NCKAP5: variants seen among roughly 807,000 people sequenced by gnomAD.
The protein encoded by NCKAP5 is nck-associated protein 5.
In NCKAP5, 92 loss-of-function variants were observed where a neutral mutation model predicts 167.0. The ratio of observed to expected loss-of-function variants is 0.55; its 90% CI spans 0.47 to 0.66. The LOEUF is 0.66. Among genes scored for constraint, NCKAP5 ranks in the 30% least tolerant of loss-of-function variants. The pLI, the probability that NCKAP5 is intolerant of heterozygous loss-of-function variation, is 0.00. For synonymous variants in NCKAP5, 891 were observed against 877.4 expected (o/e 1.02, Z -0.27); for missense variants, 2,378 against 2,315.0 (o/e 1.03, Z -0.56).
chr2:132,861,822 T>G (rs1007762888), intron 10 of NCKAP5, among the ~76,000 whole-genome samples: 1 of 152,214 alleles, frequency 6.6e-6, no homozygotes, highest in African/African-American at 2.4e-5. Context: ...TCTAGACTTG[T>G]CAATTACACG....
chr2:133,121,325 G>T (rs1044545706), intron 6 of NCKAP5, among the ~76,000 whole-genome samples: 1 of 152,100 alleles, frequency 6.6e-6, no homozygotes, highest in East Asian at 1.9e-4. Flanking sequence ...AGACTAAACT[G>T]AAGGGTCTGG....
intron 3 of NCKAP5, among the ~76,000 whole-genome samples, 158 bp from the exon 4 acceptor site, chr2:133,303,268 A>C (rs1275151822): frequency 6.6e-6 from 1 of 152,176 alleles, no homozygotes; most frequent in South Asian, 2.1e-4. Context: ...AATCATATGT[A>C]AATACTATTT....
At chr2:133,158,770 A>G (rs2083673339) in intron 5 of NCKAP5, among the ~76,000 whole-genome samples, 1 of 152,134 alleles carries the variant, frequency 6.6e-6, no homozygotes, top group African/African-American at 2.4e-5. Context: ...CTGGTTCAAT[A>G]ACACAATATC....
chr2:133,586,945 G>A, the NCKAP5 span, among the ~76,000 whole-genome samples: 6 of 152,096 alleles, frequency 3.9e-5, no homozygotes, highest in Non-Finnish European at 7.3e-5. Flanking sequence ...AATAAAAGAG[G>A]TCTGCAGCCA....
At chr2:133,188,852 C>T (rs1363576796) in intron 5 of NCKAP5, among the ~76,000 whole-genome samples, 1 of 152,040 alleles carries the variant, frequency 6.6e-6, no homozygotes, top group African/African-American at 2.4e-5. Context: ...AAAATTGACA[C>T]CCTAACATCA....
intron 3 of NCKAP5, among the ~76,000 whole-genome samples, chr2:133,452,129 T>C (rs964930195): frequency 1.3e-5 from 2 of 152,166 alleles, no homozygotes; most frequent in Admixed American, 6.5e-5. Flanking sequence ...TAGAAAACAA[T>C]CAACTGGCCA....
intron 15 of NCKAP5, among the ~76,000 whole-genome samples, 193 bp from the exon 16 acceptor site, chr2:132,774,087 T>C (rs1682335620): frequency 1.3e-5 from 2 of 152,232 alleles, no homozygotes; most frequent in South Asian, 2.1e-4. Context: ...CCGCACTCCA[T>C]CATTTGGCTT....
chr2:133,066,035 G>A (rs116252720), intron 6 of NCKAP5, among the ~76,000 whole-genome samples: 397 of 152,262 alleles, frequency 2.6e-3, no homozygotes, highest in African/African-American at 9.3e-3. Flanking sequence ...GTGTATGTGT[G>A]AATGTGCATA....
At chr2:133,302,936 G>A (rs1171149316) in intron 4 of NCKAP5, 101 bp downstream of exon 4, 5 of 800,636 alleles carry the variant, frequency 6.2e-6, no homozygotes, top group Non-Finnish European at 1.0e-5. Context: ...GCCAGACAAG[G>A]ACTTAGTATA....
intron 4 of NCKAP5, among the ~76,000 whole-genome samples, chr2:133,265,284 T>C (rs2089137759): frequency 1.3e-5 from 2 of 152,100 alleles, no homozygotes; most frequent in African/African-American, 4.8e-5. Context: ...AGAAGAGAAA[T>C]TCCGGGGTGG....
chr2:132,926,769 A>G, intron 8 of NCKAP5, among the ~76,000 whole-genome samples: 1 of 151,848 alleles, frequency 6.6e-6, no homozygotes, highest in East Asian at 1.9e-4. Context: ...TAAATTCTGG[A>G]TATTCATTCC....
At chr2:132,682,887 CTTT>C (rs201009406) in intron 19 of NCKAP5, among the ~76,000 whole-genome samples, 4 of 141,570 alleles carry the variant, frequency 2.8e-5, no homozygotes, top group African/African-American at 2.6e-5. Flanking sequence ...TTTCTTTTTA[CTTT>C]TTTTTTTTTT....
chr2:133,013,778 T>C (rs561346278), intron 6 of NCKAP5, among the ~76,000 whole-genome samples: 5 of 152,246 alleles, frequency 3.3e-5, no homozygotes, highest in East Asian at 1.9e-4. Flanking sequence ...TTTTTGTGTG[T>C]GTGTAGGCAC....
chr2:133,352,189 C>G (rs1684409583), intron 3 of NCKAP5, among the ~76,000 whole-genome samples: 1 of 152,142 alleles, frequency 6.6e-6, no homozygotes, highest in East Asian at 1.9e-4. Flanking sequence ...CTCTGTATCC[C>G]CCTCCCTGTT....
chr2:133,489,902 C>T (rs1681287624), intron 3 of NCKAP5, among the ~76,000 whole-genome samples: 1 of 152,084 alleles, frequency 6.6e-6, no homozygotes, highest in Non-Finnish European at 1.5e-5. Flanking sequence ...CTGTGATAAC[C>T]AACTCTGTAA....
intron 5 of NCKAP5, among the ~76,000 whole-genome samples, chr2:133,195,044 A>G (rs888908415): frequency 2.0e-5 from 3 of 152,024 alleles, no homozygotes; most frequent in Admixed American, 6.6e-5. Context: ...GTTTATTTGA[A>G]CCACTGCTTC....
rs555579316 is a variant in NCKAP5 at position 132,984,341 on chromosome 2, G to A, written c.429+9811C>T. 2.1e-4 allele frequency among the ~76,000 whole-genome samples: 32 copies of A among 152,234 alleles called. No individual in the cohort carries two copies. In the East Asian group the frequency reaches 3.9e-3, roughly 18 times the overall value. ...CAGCCCAATCCCTTGTCTTACAACC[G>A]AAAGCTGTAAAGGGGAAGATGGCCA... On this transcript the variant is annotated intron_variant, in intron 7 of 19. Transcript: ENST00000409261.
chr2:132,983,790 G>C (rs73956091), intron 7 of NCKAP5, among the ~76,000 whole-genome samples: 4,015 of 152,228 alleles, frequency 0.026, 166 homozygotes, highest in African/African-American at 0.09. Flanking sequence ...CCTGTGCAGG[G>C]GGCACCTCTG....
chr2:132,982,293 T>C (rs1038529741), intron 7 of NCKAP5, among the ~76,000 whole-genome samples: 2 of 152,136 alleles, frequency 1.3e-5, no homozygotes, highest in Admixed American at 1.3e-4. Context: ...CTATACCCAC[T>C]ACATAGAAGA....
Sources: gnomAD v4.1 joint callset for allele counts (sites outside exome capture counted in the v4.1 genomes callset) on GRCh38, gnomAD v4.1.1 for gene constraint, MANE v1.5 for transcripts, NCBI Gene and HGNC (gene_info 2026-07-23, HGNC 2026-07-21) for gene names.